The following GPC5 variants were observed in gnomAD, a reference collection of about 807,000 sequenced individuals.
GPC5 encodes the protein glypican-5.
GPC5 carries 47 observed loss-of-function variants against 53.9 expected under a neutral mutation model. The observed-to-expected ratio is 0.87, with a 90% CI of 0.69 to 1.11. The LOEUF is 1.11. Ranked by LOEUF, GPC5 falls within the 50% of genes most tolerant of loss-of-function variation. GPC5 has a pLI of 0.00. For missense variants in GPC5, 748 were observed against 713.1 expected, an observed-to-expected ratio of 1.05 and a Z score of -0.56; for synonymous variants, 286 against 263.3, an observed-to-expected ratio of 1.09 and a Z score of -0.84.
chr13:91,848,390 C>T (rs1403532768), intron 5 of GPC5, among the ~76,000 whole-genome samples: 1 of 152,110 alleles, frequency 6.6e-6, no homozygotes, highest in Non-Finnish European at 1.5e-5. Context: ...AAATGTAAGT[C>T]GGCTTAATCC....
chr13:92,424,368 A>G (rs1876726173), intron 7 of GPC5, among the ~76,000 whole-genome samples: 1 of 152,086 alleles, frequency 6.6e-6, no homozygotes, highest in Admixed American at 6.6e-5. Flanking sequence ...ATTTAATTTA[A>G]TCCAATTAAT....
chr13:92,120,163 T>G (rs768718325), intron 6 of GPC5, among the ~76,000 whole-genome samples: 6 of 152,238 alleles, frequency 3.9e-5, no homozygotes, highest in Admixed American at 2.0e-4. Context: ...ATTTACAGAC[T>G]GTAAGATACC....
At chr13:92,444,965 T>G (rs1331119137) in intron 7 of GPC5, among the ~76,000 whole-genome samples, 2 of 152,116 alleles carry the variant, frequency 1.3e-5, no homozygotes, top group Non-Finnish European at 2.9e-5. Context: ...TTTCAGGTAG[T>G]TCAGGTGGCA....
chr13:92,557,380 G>C (rs920959363), intron 7 of GPC5, among the ~76,000 whole-genome samples: 1 of 151,822 alleles, frequency 6.6e-6, no homozygotes, highest in Non-Finnish European at 1.5e-5. Flanking sequence ...CTTTTTATAA[G>C]ATCAAACTTT....
chr13:92,285,295 C>G (rs994608863), intron 7 of GPC5, among the ~76,000 whole-genome samples: 87 of 152,224 alleles, frequency 5.7e-4, no homozygotes, highest in Admixed American at 2.0e-3. Flanking sequence ...GAATCAATAA[C>G]ATGAAAATGG....
At chr13:92,456,758 T>C (rs1430298704) in intron 7 of GPC5, among the ~76,000 whole-genome samples, 9 of 152,176 alleles carry the variant, frequency 5.9e-5, no homozygotes, top group African/African-American at 1.9e-4. Flanking sequence ...TTTTCTGTAT[T>C]CTCTCCTCAC....
Position 92,661,401 on chromosome 13 carries a change from T to C in GPC5, c.1562-204881T>C, listed in dbSNP as rs1354171130. ...TTGTCAACACTCAGTGTATAAATTA[T>C]ACACACTAAATGAGATTGTGTACAT... On this transcript the variant is annotated intron_variant, in intron 7 of 7. Coordinates refer to ENST00000377067, the MANE Select transcript of GPC5 (RefSeq NM_004466.6). Among the ~76,000 whole-genome samples the C allele has an allele frequency of 2.6e-5, 4 of 152,126 alleles. No individual in the cohort carries two copies. In the South Asian group the frequency reaches 8.3e-4, roughly 31 times the overall value.
intron 6 of GPC5, among the ~76,000 whole-genome samples, chr13:91,985,924 C>A (rs2040402584): frequency 6.6e-6 from 1 of 152,054 alleles, no homozygotes; most frequent in African/African-American, 2.4e-5. Flanking sequence ...TACTCAATGC[C>A]ACTTTTCAGT....
rs78009763 is a variant in GPC5 at position 91,817,170 on chromosome 13, T to C, written c.1280+60750T>C. Among the ~76,000 whole-genome samples the C allele has an allele frequency of 8.2e-3, 1,249 of 152,310 alleles. 17 individuals carry two copies. Among genetic ancestry groups the C allele is most frequent in the African/African-American group, 0.02 (834 of 41,566 alleles). ...TGTGATTTCCCCCAAAACACCAAAA[T>C]GCAATGCCAGCTCTTGACATATTGT... On this transcript the variant is annotated intron_variant, in intron 5 of 7. Coordinates refer to ENST00000377067, the MANE Select transcript of GPC5 (RefSeq NM_004466.6).
intron 7 of GPC5, among the ~76,000 whole-genome samples, chr13:92,376,814 A>T (rs1427258513): frequency 6.6e-6 from 1 of 152,064 alleles, no homozygotes; most frequent in Admixed American, 6.5e-5. Context: ...CAGGAGTTTG[A>T]GACAAGCCTG....
chr13:92,789,946 C>T (rs1876404064), intron 7 of GPC5, among the ~76,000 whole-genome samples: 2 of 152,230 alleles, frequency 1.3e-5, no homozygotes, highest in Non-Finnish European at 2.9e-5. Context: ...CCTGACAGCC[C>T]TTGGCAAACC....
intron 7 of GPC5, among the ~76,000 whole-genome samples, chr13:92,150,821 T>C (rs535972532): frequency 6.6e-5 from 10 of 150,944 alleles, no homozygotes; most frequent in Non-Finnish European, 1.2e-4. Flanking sequence ...CCAGAGAACA[T>C]AAAATGAGAA....
At chr13:91,418,525 G>A (rs1426725714) in intron 1 of GPC5, among the ~76,000 whole-genome samples, 1 of 152,148 alleles carries the variant, frequency 6.6e-6, no homozygotes, top group African/African-American at 2.4e-5. Flanking sequence ...TATAGATTGT[G>A]CTTCTTGAGT....
rs146803974 is a variant in GPC5 at position 92,805,307 on chromosome 13, C to G, written c.1562-60975C>G. On this transcript the variant is annotated intron_variant, in intron 7 of 7. Coordinates refer to ENST00000377067, the MANE Select transcript of GPC5 (RefSeq NM_004466.6). Reference sequence around the variant, plus strand: ...TAAGAAGACTTCAAAATCAAAATAACTCATGCATCCACAGGCTGCAGAATG... The same window carrying G: ...TAAGAAGACTTCAAAATCAAAATAAGTCATGCATCCACAGGCTGCAGAATG... Among the ~76,000 whole-genome samples, 170 of 152,184 alleles carry G rather than the reference C, an allele frequency of 1.1e-3. 1 individual carries two copies. The highest frequency in any genetic ancestry group is 4.0e-3 in the African/African-American group (166 of 41,550).
rs551632468 is a variant in GPC5, at chr13:91,512,623, C to T, written c.325+63701C>T. Among the ~76,000 whole-genome samples the T allele has an allele frequency of 9.2e-5, 14 of 152,278 alleles. No individual in the cohort carries two copies. In the East Asian group the frequency reaches 9.6e-4, roughly 10 times the overall value. On this transcript the variant is annotated intron_variant, in intron 2 of 7. Transcript: ENST00000377067. ...TGGCCTTTGGTGTATAGGCCCTTAA[C>T]GCTTGGTAGAGGTCTCTTGGCTGGG...
intron 7 of GPC5, among the ~76,000 whole-genome samples, chr13:92,639,903 T>TA (rs1275098234): frequency 6.6e-6 from 1 of 152,018 alleles, no homozygotes; most frequent in Non-Finnish European, 1.5e-5. Context: ...AGTCCAGAAG[T>TA]AAAATGCAAC....
At chr13:91,685,614 T>C (rs1011324525) in intron 2 of GPC5, among the ~76,000 whole-genome samples, 2 of 152,228 alleles carry the variant, frequency 1.3e-5, no homozygotes, top group African/African-American at 4.8e-5. Context: ...TTATACTTTA[T>C]CTTTTACTCT....
At chr13:91,494,371 T>G (rs1194238633) in intron 2 of GPC5, among the ~76,000 whole-genome samples, 1 of 147,746 alleles carries the variant, frequency 6.8e-6, no homozygotes, top group East Asian at 1.9e-4. Context: ...TATTATTATT[T>G]TACTTCTTCC....
At chr13:91,651,231 C>CT (rs2034701219) in intron 2 of GPC5, among the ~76,000 whole-genome samples, 6 of 134,118 alleles carry the variant, frequency 4.5e-5, no homozygotes, top group East Asian at 2.1e-4. Flanking sequence ...ATTACAGACA[C>CT]ATTTTTTTTT....
Sources: gnomAD v4.1 joint callset for allele counts (sites outside exome capture counted in the v4.1 genomes callset) on GRCh38, gnomAD v4.1.1 for gene constraint, MANE v1.5 for transcripts, NCBI Gene and HGNC (gene_info 2026-07-23, HGNC 2026-07-21) for gene names.